The following NFE2L2 variants were observed in gnomAD, a reference collection of about 807,000 sequenced individuals.
NFE2L2 encodes the protein NFE2 like bZIP transcription factor 2, also known as nuclear factor erythroid 2-related factor 2.
In NFE2L2, 20 loss-of-function variants were observed where a neutral mutation model predicts 49.6. That is an observed-to-expected ratio of 0.40 (90% CI 0.28 to 0.59). The LOEUF (loss-of-function observed/expected upper bound fraction) is 0.59, where lower values mean the gene tolerates loss of function less well. Among genes scored for constraint, NFE2L2 ranks in the 20% least tolerant of loss-of-function variants. NFE2L2 has a pLI of 0.40. For synonymous variants in NFE2L2, 244 were observed against 256.5 expected (o/e 0.95, Z 0.47); for missense variants, 578 against 714.2 (o/e 0.81, Z 2.17).
intron 1 of NFE2L2, among the ~76,000 whole-genome samples, chr2:177,261,190 A>C (rs1690725912): frequency 1.3e-5 from 2 of 151,684 alleles, no homozygotes; most frequent in Admixed American, 1.3e-4. Context: ...AAAAAACAAA[A>C]AACAAAAAAC....
chr2:177,242,509 C>T (rs1184430630), intron 1 of NFE2L2, among the ~76,000 whole-genome samples: 1 of 152,186 alleles, frequency 6.6e-6, no homozygotes, highest in Non-Finnish European at 1.5e-5. Context: ...CATTTTTCTG[C>T]CCTTTTATCT....
intron 1 of NFE2L2, chr2:177,256,042 A>T (rs1270473554): frequency 6.5e-6 from 1 of 154,718 alleles, no homozygotes; most frequent in Non-Finnish European, 1.5e-5. Flanking sequence ...GGTTAAAAAA[A>T]TTATTTTCTT....
At chr2:177,264,317 CG>C in intron 1 of NFE2L2, 1 of 500,820 alleles carries the variant, frequency 2.0e-6, no homozygotes, top group South Asian at 3.0e-5. Flanking sequence ...CGTTCGCCCT[CG>C]GGCTCGTGGT....
intron 1 of NFE2L2, among the ~76,000 whole-genome samples, chr2:177,247,389 C>T (rs1229546214): frequency 6.6e-6 from 1 of 152,140 alleles, no homozygotes; most frequent in Non-Finnish European, 1.5e-5. Context: ...AGGCCGGGCG[C>T]CGTGGCTCAA....
At chr2:177,236,171 G>A (rs566412632) in intron 1 of NFE2L2, among the ~76,000 whole-genome samples, 26 of 152,312 alleles carry the variant, frequency 1.7e-4, no homozygotes, top group East Asian at 5.8e-4. Context: ...TCCCAAGGAC[G>A]CAAATAACAT....
At chr2:177,242,564 A>G (rs1689976224) in intron 1 of NFE2L2, among the ~76,000 whole-genome samples, 1 of 152,160 alleles carries the variant, frequency 6.6e-6, no homozygotes, top group Admixed American at 6.5e-5. Flanking sequence ...GCAGGTTACT[A>G]TGTGCAGCCA....
chr2:177,251,426 A>G (rs988950718), intron 1 of NFE2L2, among the ~76,000 whole-genome samples: 2 of 152,192 alleles, frequency 1.3e-5, no homozygotes, highest in African/African-American at 4.8e-5. Flanking sequence ...TGCTGCCACA[A>G]GTGAAGGGCT....
chr2:177,234,357 G>C (rs2105460183), intron 1 of NFE2L2, 86 bp from the exon 2 acceptor site: 1 of 1,421,290 alleles, frequency 7.0e-7, no homozygotes, highest in South Asian at 1.4e-5. Flanking sequence ...TTATGCCACT[G>C]TTGATGGTGG....
At chr2:177,263,924 A>G in intron 1 of NFE2L2, 1 of 985,464 alleles carries the variant, frequency 1.0e-6, no homozygotes, top group South Asian at 4.7e-5. Context: ...GAGTGATCCG[A>G]GAGATGGATG....
chr2:177,236,834 T>C (rs992960657), intron 1 of NFE2L2, among the ~76,000 whole-genome samples: 37 of 152,034 alleles, frequency 2.4e-4, no homozygotes, highest in Non-Finnish European at 4.4e-4. Context: ...TTTTTTCGGG[T>C]TTTTTTTCCA....
At chr2:177,248,669 A>G (rs541327680) in intron 1 of NFE2L2, among the ~76,000 whole-genome samples, 1 of 152,280 alleles carries the variant, frequency 6.6e-6, no homozygotes, top group African/African-American at 2.4e-5. Flanking sequence ...TGGGCCTCCC[A>G]AAGTGCTGGC....
At chr2:177,236,506 A>G (rs1689755160) in intron 1 of NFE2L2, among the ~76,000 whole-genome samples, 2 of 152,220 alleles carry the variant, frequency 1.3e-5, no homozygotes, top group Non-Finnish European at 2.9e-5. Context: ...TAAGTACTTT[A>G]CATATAGAAA....
At chr2:177,260,184 T>C (rs1340603151) in intron 1 of NFE2L2, among the ~76,000 whole-genome samples, 1 of 152,242 alleles carries the variant, frequency 6.6e-6, no homozygotes, top group Non-Finnish European at 1.5e-5. Flanking sequence ...GTGGCAAACT[T>C]ATAATGAATA....
In NFE2L2 at chr2:177,234,198, C is replaced by A. The variant is rs1689662982; in HGVS notation, c.119G>T (p.Ser40Ile). Residue 40 changes from serine to isoleucine, a missense_variant, in exon 2 of 5, where the codon AGT becomes ATT. Coordinates refer to ENST00000397062, the MANE Select transcript of NFE2L2 (RefSeq NM_006164.5). The part of the protein sequence containing the change: ...LGVSREVFDF[S>I]QRRKEYELEK... ...CAGCTCATACTCTTTCCGTCGCTGA[C>A]TGAAGTCAAATACTTCTCGACTTAC... The A allele has an allele frequency of 6.2e-7, 1 of 1,614,130 alleles. No homozygotes were observed. The highest frequency in any genetic ancestry group is 8.5e-7 in the Non-Finnish European group (1 of 1,180,038).
intron 1 of NFE2L2, among the ~76,000 whole-genome samples, chr2:177,246,336 T>C (rs986420308): frequency 7.2e-5 from 11 of 152,206 alleles, no homozygotes; most frequent in Admixed American, 4.6e-4. Flanking sequence ...TTTCTTACTA[T>C]GGTCTGACTA....
At chr2:177,232,895 TAACTG>T (rs1689605582) in intron 3 of NFE2L2, 4 of 465,670 alleles carry the variant, frequency 8.6e-6, no homozygotes, top group East Asian at 3.4e-5. Context: ...TTAAAATTGT[TAACTG>T]AACAAGTCTT....
chr2:177,241,490 G>T (rs1218856673), intron 1 of NFE2L2, among the ~76,000 whole-genome samples: 2 of 152,128 alleles, frequency 1.3e-5, no homozygotes, highest in African/African-American at 2.4e-5. Flanking sequence ...CTACCATCTG[G>T]ATGAATATAA....
At chr2:177,256,917 G>A (rs566444943) in intron 1 of NFE2L2, among the ~76,000 whole-genome samples, 1 of 152,322 alleles carries the variant, frequency 6.6e-6, no homozygotes, top group East Asian at 1.9e-4. Flanking sequence ...GCCAGCTTCA[G>A]AAGCCCCCCA....
In NFE2L2 at chr2:177,234,248, A is replaced by G. The variant is rs1239386075; in HGVS notation, c.69T>C (p.Leu23=). The part of the protein sequence containing the change: ...SQQDMDLIDI[L]WRQDIDLGVS... ...CTCCAAGATCTATATCTTGCCTCCA[A>G]AGTATGTCAATCAAATCCATGTCCT... The change falls in exon 2 of 5, where the codon CTT becomes CTC. Residue 23 remains leucine, a synonymous_variant. Transcript: ENST00000397062. 1.2e-6 allele frequency: 2 copies of G among 1,611,554 alleles called. No homozygotes were observed. The highest frequency in any genetic ancestry group is 1.7e-6 in the Non-Finnish European group (2 of 1,179,532).
Sources: allele counts gnomAD v4.1 joint callset (sites outside exome capture counted in the v4.1 genomes callset), GRCh38; gene constraint gnomAD v4.1.1; transcripts MANE v1.5; gene names NCBI Gene and HGNC (gene_info 2026-07-23, HGNC 2026-07-21).